The following PPARGC1A variants were observed in gnomAD, a reference collection of about 807,000 sequenced individuals.
PPARGC1A encodes PPARG coactivator 1 alpha.
In PPARGC1A, 25 loss-of-function variants were observed where a neutral mutation model predicts 88.7. That is an observed-to-expected ratio of 0.28 (90% CI 0.21 to 0.39). The LOEUF is 0.39. Among genes scored for constraint, PPARGC1A ranks in the 10% least tolerant of loss-of-function variants. The probability of loss-of-function intolerance (pLI) is 1.00; values close to 1 mark genes in which losing one functional copy is unlikely to be tolerated. For missense variants in PPARGC1A, 880 were observed against 968.7 expected (o/e 0.91, Z 1.22); for synonymous variants, 363 against 355.6 (o/e 1.02, Z -0.24).
At chr4:23,820,469 C>T in intron 7 of PPARGC1A, 1 of 254,248 alleles carries the variant, frequency 3.9e-6, no homozygotes, top group Non-Finnish European at 8.1e-6. Flanking sequence ...TAAACCGTCA[C>T]CTTGTTGAGC....
intron 12 of PPARGC1A, among the ~76,000 whole-genome samples, chr4:23,797,658 T>G (rs1190009593): frequency 6.6e-6 from 1 of 152,230 alleles, no homozygotes; most frequent in Non-Finnish European, 1.5e-5. Flanking sequence ...CTGTGAAATA[T>G]AGTGTTCACA....
the PPARGC1A span, among the ~76,000 whole-genome samples, chr4:24,360,263 A>G: frequency 6.6e-6 from 1 of 152,146 alleles, no homozygotes; most frequent in Non-Finnish European, 1.5e-5. Flanking sequence ...TTAAAAACAT[A>G]TATCAAATTA....
chr4:23,985,110 A>C, the PPARGC1A span, among the ~76,000 whole-genome samples: 1 of 152,144 alleles, frequency 6.6e-6, no homozygotes, highest in Non-Finnish European at 1.5e-5. Context: ...CTGAGAGATG[A>C]GTTACTAACA....
the PPARGC1A span, among the ~76,000 whole-genome samples, chr4:23,941,029 G>A: frequency 1.3e-5 from 2 of 152,020 alleles, no homozygotes; most frequent in African/African-American, 4.8e-5. Flanking sequence ...TTGAATCACT[G>A]AAAATAGTTT....
the PPARGC1A span, among the ~76,000 whole-genome samples, chr4:23,961,131 G>A: frequency 6.6e-6 from 1 of 152,178 alleles, no homozygotes; most frequent in South Asian, 2.1e-4. Context: ...AGGAAAGAGG[G>A]AAGTAACACC....
the PPARGC1A span, among the ~76,000 whole-genome samples, chr4:24,086,612 G>T: frequency 6.6e-6 from 1 of 152,138 alleles, no homozygotes; most frequent in East Asian, 1.9e-4. Flanking sequence ...GACCTGCCGT[G>T]CTCTCCCACC....
the PPARGC1A span, among the ~76,000 whole-genome samples, chr4:24,262,107 C>T: frequency 6.6e-6 from 1 of 152,110 alleles, no homozygotes; most frequent in South Asian, 2.1e-4. Context: ...CCAACCCCCA[C>T]CAAGTCACCA....
At chr4:23,832,135 T>C (rs1725113484) in intron 2 of PPARGC1A, among the ~76,000 whole-genome samples, 1 of 152,132 alleles carries the variant, frequency 6.6e-6, no homozygotes, top group African/African-American at 2.4e-5. Context: ...TCAATTTCAT[T>C]TTCAGATATA....
chr4:24,108,996 TCACACACA>T, the PPARGC1A span, among the ~76,000 whole-genome samples: 2 of 139,200 alleles, frequency 1.4e-5, no homozygotes, highest in Non-Finnish European at 3.2e-5. Context: ...GCTATAAAAA[TCACACACA>T]CACACACACA....
chr4:24,111,950 T>C, the PPARGC1A span, among the ~76,000 whole-genome samples: 1 of 152,180 alleles, frequency 6.6e-6, no homozygotes, highest in Non-Finnish European at 1.5e-5. Flanking sequence ...TGTCAACACA[T>C]TATTAAGAGA....
At chr4:23,856,800 T>A (rs1239790214) in intron 2 of PPARGC1A, among the ~76,000 whole-genome samples, 1 of 152,074 alleles carries the variant, frequency 6.6e-6, no homozygotes, top group Non-Finnish European at 1.5e-5. Flanking sequence ...AGCCGGACTC[T>A]CCCTTCATCA....
At chr4:23,852,734 T>C (rs1043176609) in intron 2 of PPARGC1A, among the ~76,000 whole-genome samples, 1 of 152,206 alleles carries the variant, frequency 6.6e-6, no homozygotes, top group Non-Finnish European at 1.5e-5. Flanking sequence ...TAAAGTATTA[T>C]ACAGCATCAT....
At chr4:24,181,494 A>G in the PPARGC1A span, among the ~76,000 whole-genome samples, 2 of 152,190 alleles carry the variant, frequency 1.3e-5, no homozygotes, top group Non-Finnish European at 2.9e-5. Context: ...AACACTAGCT[A>G]TTACTATTGT....
At chr4:24,314,934 GTTAA>G in the PPARGC1A span, among the ~76,000 whole-genome samples, 1 of 151,042 alleles carries the variant, frequency 6.6e-6, no homozygotes, top group South Asian at 2.1e-4. Context: ...ACCCAAAAAG[GTTAA>G]TTAATAACTC....
chr4:24,026,040 C>T, the PPARGC1A span, among the ~76,000 whole-genome samples: 3 of 152,144 alleles, frequency 2.0e-5, no homozygotes, highest in Admixed American at 6.5e-5. Flanking sequence ...ATCTTTAAAA[C>T]CTTTGAAAGA....
At chr4:23,925,271 A>G in the PPARGC1A span, among the ~76,000 whole-genome samples, 1 of 152,208 alleles carries the variant, frequency 6.6e-6, no homozygotes, top group East Asian at 1.9e-4. Flanking sequence ...CCTGCTCTAA[A>G]TACAAAAATG....
the PPARGC1A span, among the ~76,000 whole-genome samples, chr4:24,413,577 G>A: frequency 4.6e-5 from 7 of 152,240 alleles, no homozygotes; most frequent in South Asian, 1.5e-3. Context: ...TTAGCCGGCT[G>A]GGATCCCCAC....
At chr4:24,437,269 G>A in the PPARGC1A span, among the ~76,000 whole-genome samples, 223 of 152,312 alleles carry the variant, frequency 1.5e-3, no homozygotes, top group Middle Eastern at 6.8e-3. Context: ...AGGTGAAGAG[G>A]CCACAGCTCT....
chr4:24,056,820 G>C, the PPARGC1A span, among the ~76,000 whole-genome samples: 1 of 152,160 alleles, frequency 6.6e-6, no homozygotes, highest in African/African-American at 2.4e-5. Flanking sequence ...ATGAGGATGT[G>C]GTGAAATTGG....
Sources: allele counts gnomAD v4.1 joint callset (sites outside exome capture counted in the v4.1 genomes callset), GRCh38; gene constraint gnomAD v4.1.1; transcripts MANE v1.5; gene names NCBI Gene and HGNC (gene_info 2026-07-23, HGNC 2026-07-21).